The following ZNF69 variants were observed in gnomAD, a reference collection of about 807,000 sequenced individuals.
ZNF69 encodes the protein zinc finger protein 69.
A neutral mutation model predicts 50.9 loss-of-function variants in ZNF69; 47 were observed. The ratio of observed to expected loss-of-function variants is 0.92; its 90% CI spans 0.73 to 1.18. The LOEUF (loss-of-function observed/expected upper bound fraction) is 1.18. Ranked by LOEUF, ZNF69 falls within the 50% of genes most tolerant of loss-of-function variation. ZNF69 has a pLI of 0.00. For synonymous variants in ZNF69, 216 were observed against 223.1 expected, an observed-to-expected ratio of 0.97 and a Z score of 0.29; for missense variants, 717 against 675.1, an observed-to-expected ratio of 1.06 and a Z score of -0.69.
chr19:11,934,281 G>A, the ZNF69 span, among the ~76,000 whole-genome samples: 1 of 148,022 alleles, frequency 6.8e-6, no homozygotes, highest in South Asian at 2.1e-4. Context: ...GTGGACATCA[G>A]TTTTCAGTTC....
chr19:11,939,622 G>T, the ZNF69 span, among the ~76,000 whole-genome samples: 4 of 152,068 alleles, frequency 2.6e-5, no homozygotes, highest in African/African-American at 9.7e-5. Context: ...TGTTGCGCCT[G>T]GCTAATTTTT....
chr19:11,949,635 A>C, the ZNF69 span: 6 of 1,613,134 alleles, frequency 3.7e-6, no homozygotes, highest in Admixed American at 1.7e-5. Context: ...AACCCTATGA[A>C]TGCAACCAAT....
the ZNF69 span, among the ~76,000 whole-genome samples, chr19:11,923,850 C>A: frequency 6.6e-6 from 1 of 152,126 alleles, no homozygotes; most frequent in Non-Finnish European, 1.5e-5. Flanking sequence ...AGTGATTCCA[C>A]GTTGAGGACA....
At chr19:11,947,127 C>A in the ZNF69 span, 1 of 1,592,374 alleles carries the variant, frequency 6.3e-7, no homozygotes, top group Non-Finnish European at 8.5e-7. Context: ...AGAGTCTAGG[C>A]CTCCAGTGCT....
chr19:11,898,703 T>G (rs890716849), intron 1 of ZNF69, among the ~76,000 whole-genome samples: 5 of 152,190 alleles, frequency 3.3e-5, no homozygotes, highest in African/African-American at 2.4e-5. Context: ...TTCCACTGTT[T>G]TAAACATCTT....
chr19:11,905,509 C>G lies in ZNF69; in HGVS notation c.1112C>G (p.Ser371Cys). The change falls in exon 4 of 4, where the codon TCT becomes TGT. Residue 371 changes from serine to cysteine, a missense_variant. Physicochemically the swap from Ser to Cys is moderately radical, Grantham distance 112 (BLOSUM62 -1). Transcript: ENST00000429654. ...AAGATATGTGGGAAAGGCTTTTGTT[C>G]TGCCAATTCATTTCAAAGACATGAA... ...ECKICGKGFC[S>C]ANSFQRHEKT... The G allele has an allele frequency of 6.2e-7, 1 of 1,611,292 alleles. No homozygotes were observed. Among genetic ancestry groups the G allele is most frequent in the African/African-American group, 1.4e-5 (1 of 74,004 alleles).
At chr19:11,980,177 C>T in the ZNF69 span, 1 of 580,868 alleles carries the variant, frequency 1.7e-6, no homozygotes. Context: ...GTCAGGAGTT[C>T]AAGACTGGCC....
downstream of ZNF69, among the ~76,000 whole-genome samples, chr19:11,916,786 C>T (rs73003925): frequency 0.013 from 1,978 of 151,882 alleles, 27 homozygotes; most frequent in South Asian, 0.026. Flanking sequence ...AGGTAACAAA[C>T]GTAGCACCAT....
the ZNF69 span, chr19:11,965,227 CG>C: frequency 1.2e-6 from 2 of 1,613,902 alleles, no homozygotes; most frequent in Non-Finnish European, 1.7e-6. Context: ...TGTGCATAGC[CG>C]GTTGTCCCGA....
chr19:11,963,088 A>AGAGAGAGAGAGAGAGAGAGTGTGT, the ZNF69 span, among the ~76,000 whole-genome samples: 40 of 138,314 alleles, frequency 2.9e-4, no homozygotes, highest in African/African-American at 1.1e-3. Flanking sequence ...AGAGAGAGAG[A>AGAGAGAGAGAGAGAGAGAGTGTGT]GTGTGTGTGT....
the ZNF69 span, among the ~76,000 whole-genome samples, chr19:11,929,007 A>G: frequency 6.7e-6 from 1 of 148,300 alleles, no homozygotes; most frequent in South Asian, 2.1e-4. Flanking sequence ...AACATTTTAC[A>G]AAACGCTATA....
chr19:11,950,626 A>G, the ZNF69 span: 2 of 400,168 alleles, frequency 5.0e-6, no homozygotes, highest in Non-Finnish European at 9.7e-6. Context: ...GAATGTAAGC[A>G]GTATGGGAAA....
intron 1 of ZNF69, 21 bp downstream of exon 1, chr19:11,888,007 GT>G: frequency 1.9e-6 from 3 of 1,609,274 alleles, no homozygotes; most frequent in Non-Finnish European, 2.5e-6. Context: ...GGGGCCGGGT[GT>G]CGTGAGACGG....
the ZNF69 span, among the ~76,000 whole-genome samples, chr19:11,935,969 G>A: frequency 6.6e-5 from 10 of 152,144 alleles, no homozygotes; most frequent in African/African-American, 2.2e-4. Flanking sequence ...TTGGTTTTCT[G>A]TTCTTGTGAT....
the ZNF69 span, chr19:11,948,691 A>G: frequency 3.1e-6 from 5 of 1,612,238 alleles, no homozygotes; most frequent in Middle Eastern, 1.7e-4. Flanking sequence ...TGGAACTTAT[A>G]AATGTAAATT....
At chr19:11,966,609 A>G in the ZNF69 span, among the ~76,000 whole-genome samples, 5 of 152,102 alleles carry the variant, frequency 3.3e-5, no homozygotes, top group Admixed American at 2.0e-4. Context: ...CCTGACCTCA[A>G]GTGATCCACC....
chr19:11,915,833 G>A (rs1165275642), downstream of ZNF69, among the ~76,000 whole-genome samples: 1 of 152,188 alleles, frequency 6.6e-6, no homozygotes, highest in Non-Finnish European at 1.5e-5. Flanking sequence ...AAACTCACAA[G>A]GCGGAGGTTG....
chr19:11,947,708 A>C, the ZNF69 span: 1 of 944,534 alleles, frequency 1.1e-6, no homozygotes, highest in East Asian at 2.6e-5. Context: ...TTCTCAAAAA[A>C]CATATATTTA....
At chr19:11,889,261 C>T (rs574246586) in intron 1 of ZNF69, among the ~76,000 whole-genome samples, 1 of 152,238 alleles carries the variant, frequency 6.6e-6, no homozygotes, top group South Asian at 2.1e-4. Flanking sequence ...TATCTTCTTG[C>T]CACAAGGAGT....
Sources: gnomAD v4.1 joint callset for allele counts (sites outside exome capture counted in the v4.1 genomes callset) on GRCh38, gnomAD v4.1.1 for gene constraint, MANE v1.5 for transcripts, NCBI Gene and HGNC (gene_info 2026-07-23, HGNC 2026-07-21) for gene names.